The following RNASEH1 variants were observed in gnomAD, a reference collection of about 807,000 sequenced individuals.
RNASEH1 encodes ribonuclease H type II.
Under a neutral mutation model 34.6 loss-of-function variants are expected in RNASEH1, and 27 were observed. That is an observed-to-expected ratio of 0.78 (90% confidence interval 0.58 to 1.08). The LOEUF (loss-of-function observed/expected upper bound fraction) is 1.08. Ranked by LOEUF, RNASEH1 falls within the 50% of genes least tolerant of loss-of-function variation. The probability of loss-of-function intolerance (pLI) is 0.00; values close to 1 mark genes in which losing one functional copy is unlikely to be tolerated. For missense variants in RNASEH1, 349 were observed against 373.6 expected, an observed-to-expected ratio of 0.93 and a Z score of 0.54; for synonymous variants, 162 against 138.4, an observed-to-expected ratio of 1.17 and a Z score of -1.20.
chr2:3,539,550 C>G (rs1231061850), downstream of RNASEH1, among the ~76,000 whole-genome samples: 5 of 152,302 alleles, frequency 3.3e-5, no homozygotes, highest in East Asian at 3.9e-4. Flanking sequence ...TCAACGCCTT[C>G]TGTGTGCCAG....
At position 3,545,458 on chromosome 2, in the gene RNASEH1, GAT is replaced by G. The variant is rs1002332928; in HGVS notation, c.*325_*326del. On this transcript the variant is annotated 3_prime_UTR_variant, in exon 8 of 8. Transcript: ENST00000315212. ...TGCATCTTTTAACCAATGGTTTTTT[GAT>G]TTCTTATCAAAATATAAGCCACAGC... The G allele has an allele frequency of 3.7e-6, 1 of 270,776 alleles. No individual in the cohort carries two copies. Among genetic ancestry groups the G allele is most frequent in the African/African-American group, 2.2e-5 (1 of 46,106 alleles). The allele number at this position is 270,776 out of a possible 1,614,324, so 16.8% of individuals were successfully genotyped here.
chr2:3,546,630 T>C (rs1020768600), intron 7 of RNASEH1, among the ~76,000 whole-genome samples: 1 of 152,154 alleles, frequency 6.6e-6, no homozygotes, highest in African/African-American at 2.4e-5. Context: ...ATATAAGGAT[T>C]GTAGAACATC....
downstream of RNASEH1, among the ~76,000 whole-genome samples, chr2:3,540,075 T>G (rs1668209273): frequency 6.6e-6 from 1 of 152,182 alleles, no homozygotes; most frequent in Admixed American, 6.5e-5. Flanking sequence ...AGGGGAGTTC[T>G]GCACAAAGAA....
the RNASEH1 span, chr2:3,532,086 T>G: frequency 1.7e-6 from 1 of 584,206 alleles, no homozygotes; most frequent in Non-Finnish European, 3.1e-6. Context: ...AAGGAGAGGG[T>G]TTTTATGCAG....
the RNASEH1 span, chr2:3,532,078 G>C: frequency 1.7e-6 from 1 of 598,566 alleles, no homozygotes; most frequent in Non-Finnish European, 3.0e-6. Context: ...AAAGAGATAA[G>C]GAGAGGGTTT....
downstream of RNASEH1, among the ~76,000 whole-genome samples, chr2:3,539,798 A>C (rs376211009): frequency 6.6e-6 from 1 of 152,198 alleles, no homozygotes; most frequent in East Asian, 1.9e-4. Context: ...ATCTACCCCG[A>C]GGCCCTCCTT....
chr2:3,541,185 C>T (rs531035652), downstream of RNASEH1, among the ~76,000 whole-genome samples: 6 of 152,032 alleles, frequency 3.9e-5, no homozygotes, highest in Non-Finnish European at 7.4e-5. Context: ...AAAAATTAGC[C>T]GGGTGTAGTG....
At chr2:3,534,482 T>C in the RNASEH1 span, among the ~76,000 whole-genome samples, 3 of 152,360 alleles carry the variant, frequency 2.0e-5, no homozygotes, top group East Asian at 3.9e-4. Flanking sequence ...GTGGGAACGG[T>C]TGAGCTGTGA....
intron 7 of RNASEH1, among the ~76,000 whole-genome samples, chr2:3,547,479 A>G (rs928938990): frequency 6.7e-6 from 1 of 149,120 alleles, no homozygotes; most frequent in Non-Finnish European, 1.5e-5. Context: ...CCAGGCTCAC[A>G]TATTTTTTTT....
chr2:3,558,110 G>A, intron 1 of RNASEH1, 23 bp downstream of exon 1: 1 of 1,574,256 alleles, frequency 6.4e-7, no homozygotes, highest in Admixed American at 1.9e-5. Flanking sequence ...GCAGGGAGGC[G>A]CCTCGGCGGG....
intron 5 of RNASEH1, 80 bp downstream of exon 5, chr2:3,548,978 A>G: frequency 7.0e-6 from 8 of 1,149,208 alleles, no homozygotes; most frequent in African/African-American, 1.6e-5. Flanking sequence ...GTATAGGTAG[A>G]AAAAAAAAGA....
Position 3,542,193 on chromosome 2 carries a change from ATCT to A in RNASEH1, c.*3589_*3591del, listed in dbSNP as rs1668362000. On this transcript the variant is annotated 3_prime_UTR_variant, in exon 8 of 8. Coordinates refer to ENST00000315212, the MANE Select transcript of RNASEH1 (RefSeq NM_002936.6). ...TAACACTAAACTCCAGTTCAAGCAA[ATCT>A]TCTTAAAATAACAGATATGAAGTAC... is the stretch of plus-strand genomic sequence containing the variant. Among the ~76,000 whole-genome samples, 2 of 152,206 alleles carry A rather than the reference ATCT, an allele frequency of 1.3e-5. No homozygotes were observed. The highest frequency in any genetic ancestry group is 2.4e-5 in the African/African-American group (1 of 41,452).
At chr2:3,555,169 T>C (rs1427513408) in intron 2 of RNASEH1, among the ~76,000 whole-genome samples, 1 of 152,164 alleles carries the variant, frequency 6.6e-6, no homozygotes, top group African/African-American at 2.4e-5. Flanking sequence ...TCTGTGCTCA[T>C]CGGTCTCCTC....
intron 7 of RNASEH1, among the ~76,000 whole-genome samples, chr2:3,546,705 T>C (rs1668785426): frequency 6.6e-6 from 1 of 152,202 alleles, no homozygotes; most frequent in African/African-American, 2.4e-5. Context: ...GTATTACTTG[T>C]GGTTGCAGCG....
intron 7 of RNASEH1, among the ~76,000 whole-genome samples, chr2:3,546,955 G>A (rs185823870): frequency 2.0e-5 from 3 of 152,106 alleles, no homozygotes; most frequent in African/African-American, 7.2e-5. Context: ...AAACTCCATC[G>A]CTACTAAAAA....
chr2:3,553,855 T>C (rs976705133), intron 2 of RNASEH1, among the ~76,000 whole-genome samples: 2 of 152,186 alleles, frequency 1.3e-5, no homozygotes, highest in African/African-American at 4.8e-5. Flanking sequence ...CTCCGTCAAC[T>C]GAATTAAACC....
rs1362812863 is a variant in RNASEH1, at chr2:3,552,139, T to G, written c.409+5A>C. Reference sequence around the variant, plus strand: ...TTAAAATCTGAAAACCCAAGGAAGATGTACCCATGTAGGAAAACGTGTCTC... The same window carrying G: ...TTAAAATCTGAAAACCCAAGGAAGAGGTACCCATGTAGGAAAACGTGTCTC... On this transcript the variant is annotated splice_donor_5th_base_variant and intron_variant, in intron 3 of 7. Transcript: ENST00000315212. The G allele has an allele frequency of 1.9e-6, 3 of 1,605,008 alleles. No individual in the cohort carries two copies. The highest frequency in any genetic ancestry group is 1.7e-5 in the Admixed American group (1 of 58,112).
In RNASEH1 at chr2:3,545,844, T is replaced by C. The variant is rs1316689663; in HGVS notation, c.802A>G (p.Ile268Val). Residue 268 changes from isoleucine (I) to valine (V), a missense_variant, in exon 8 of 8, where the codon ATA becomes GTA. Transcript: ENST00000315212. ...AATCTGTCAGCTTCTTCATTGCCTA[T>C]AAATCCCGAATGACCAGGAACATGC... ...WMHVPGHSGFIGNEEADRLAR... is the reference protein window; with the variant it reads ...WMHVPGHSGFVGNEEADRLAR... 6.2e-7 allele frequency: 1 copy of C among 1,613,600 alleles called. No individual in the cohort carries two copies. Among genetic ancestry groups the C allele is most frequent in the Non-Finnish European group, 8.5e-7 (1 of 1,179,448 alleles).
At chr2:3,556,159 G>C (rs185787590) in intron 2 of RNASEH1, among the ~76,000 whole-genome samples, 1 of 151,594 alleles carries the variant, frequency 6.6e-6, no homozygotes, top group Admixed American at 6.6e-5. Context: ...GCGCAACAGA[G>C]ACTCTGTCTC....
Sources: allele counts gnomAD v4.1 joint callset (sites outside exome capture counted in the v4.1 genomes callset), GRCh38; gene constraint gnomAD v4.1.1; transcripts MANE v1.5; gene names NCBI Gene and HGNC (gene_info 2026-07-23, HGNC 2026-07-21).